The following RASA3 variants were observed in gnomAD, a reference collection of about 807,000 sequenced individuals.
RASA3 encodes the protein ras GTPase-activating protein 3.
A neutral mutation model predicts 110.0 loss-of-function variants in RASA3; 73 were observed. The observed-to-expected ratio is 0.66, with a 90% CI of 0.55 to 0.81. RASA3 has a LOEUF of 0.81. RASA3 is among the 30% of genes least tolerant of loss of function. The pLI is 0.00. For synonymous variants in RASA3, 500 were observed against 451.4 expected, an observed-to-expected ratio of 1.11 and a Z score of -1.37; for missense variants, 976 against 1,113.2, an observed-to-expected ratio of 0.88 and a Z score of 1.75.
chr13:114,018,367 G>A (rs1331883123), intron 10 of RASA3, 115 bp from the exon 11 acceptor site: 4 of 1,314,276 alleles, frequency 3.0e-6, no homozygotes, highest in African/African-American at 3.0e-5. Context: ...TCTTTGCTGA[G>A]ACAGAAACAC....
Position 114,065,237 on chromosome 13 carries a change from G to A in RASA3, c.173+8483C>T, listed in dbSNP as rs2079426152. Among the ~76,000 whole-genome samples the A allele has an allele frequency of 6.6e-6, 1 of 152,192 alleles. No homozygotes were observed. Among genetic ancestry groups the A allele is most frequent in the South Asian group, 2.1e-4 (1 of 4,828 alleles). On this transcript the variant is annotated intron_variant, in intron 2 of 23. Coordinates refer to ENST00000334062, the MANE Select transcript of RASA3 (RefSeq NM_007368.4). The surrounding 1 kb of genome is among the most constrained non-coding windows in gnomAD (Gnocchi z 4.1). ...ACTTCCCAGCATCTGCGCAAGGCTG[G>A]CGCTGCCCCATCCCGCCTGCGGCTG... is the stretch of plus-strand genomic sequence containing the variant.
chr13:114,040,830 G>C (rs2054388498), intron 4 of RASA3, among the ~76,000 whole-genome samples, 170 bp downstream of exon 4: 1 of 152,202 alleles, frequency 6.6e-6, no homozygotes, highest in Non-Finnish European at 1.5e-5. Flanking sequence ...CCATGGCGGA[G>C]CCCGCGCTCA....
rs948555632 is a variant in RASA3, at chr13:114,112,102, C to CG, written c.55+20332_55+20333insC. ...CTGGAAACAGCAGCCCCCAGGCACC[C>CG]CCCCCAGCAACTGGGACAAGGGCAC... On this transcript the variant is annotated intron_variant, in intron 1 of 23. Coordinates refer to ENST00000334062, the MANE Select transcript of RASA3 (RefSeq NM_007368.4). This position sits in a 1 kb window ranked among gnomAD's most constrained non-coding sequence, Gnocchi z 4.8. 6.6e-6 allele frequency among the ~76,000 whole-genome samples: 1 copy of CG among 151,700 alleles called. No homozygotes were observed. Among genetic ancestry groups the CG allele is most frequent in the Non-Finnish European group, 1.5e-5 (1 of 67,922 alleles).
chr13:113,991,472 A>G (rs2053111853), intron 22 of RASA3, among the ~76,000 whole-genome samples: 1 of 152,228 alleles, frequency 6.6e-6, no homozygotes, highest in Non-Finnish European at 1.5e-5. Flanking sequence ...ATGATCTCCA[A>G]GAGCAGATCC....
At chr13:113,981,945 C>A in intron 22 of RASA3, 87 bp from the exon 23 acceptor site, 1 of 1,276,434 alleles carries the variant, frequency 7.8e-7, no homozygotes, top group Non-Finnish European at 1.1e-6. Context: ...AGGCCCCACC[C>A]ACAGTACACA....
intron 18 of RASA3, among the ~76,000 whole-genome samples, chr13:114,005,654 G>A (rs1195728854): frequency 6.6e-6 from 1 of 152,184 alleles, no homozygotes; most frequent in Non-Finnish European, 1.5e-5. Flanking sequence ...AAGGCTGCTG[G>A]CCAGCAAGGG....
At chr13:114,081,833 C>T (rs2079792890) in intron 1 of RASA3, among the ~76,000 whole-genome samples, 1 of 152,186 alleles carries the variant, frequency 6.6e-6, no homozygotes, top group East Asian at 1.9e-4. Flanking sequence ...ACCGGTGCTG[C>T]ACAGGAACCC....
At chr13:114,027,213 C>T (rs759266543) in intron 7 of RASA3, among the ~76,000 whole-genome samples, 176 bp downstream of exon 7, 1 of 150,564 alleles carries the variant, frequency 6.6e-6, no homozygotes, top group Non-Finnish European at 1.5e-5. Context: ...AACCCAGGGC[C>T]GGCCGGCGGG....
intron 2 of RASA3, among the ~76,000 whole-genome samples, chr13:114,062,241 A>G (rs1303310305): frequency 2.0e-5 from 3 of 152,084 alleles, no homozygotes; most frequent in Admixed American, 6.5e-5. Context: ...AAAAAAACAC[A>G]TGCATAGGAA....
At chr13:114,002,903 C>T (rs1040367729) in intron 18 of RASA3, among the ~76,000 whole-genome samples, 1 of 152,244 alleles carries the variant, frequency 6.6e-6, no homozygotes, top group Non-Finnish European at 1.5e-5. Flanking sequence ...ACTCAGCAAA[C>T]ACACGCTGCG....
At chr13:114,110,056 A>G (rs1489443379) in intron 1 of RASA3, among the ~76,000 whole-genome samples, 3 of 152,254 alleles carry the variant, frequency 2.0e-5, no homozygotes, top group Non-Finnish European at 2.9e-5. Flanking sequence ...CCCTCTCCCC[A>G]TCACAGAAAC....
intron 18 of RASA3, among the ~76,000 whole-genome samples, chr13:114,005,703 C>T (rs1171072845): frequency 1.3e-5 from 2 of 152,134 alleles, no homozygotes; most frequent in Non-Finnish European, 2.9e-5. Flanking sequence ...CTGGAATGTG[C>T]TGGGTGCTCT....
At chr13:114,042,809 C>T (rs1244602652) in intron 3 of RASA3, among the ~76,000 whole-genome samples, 1 of 152,246 alleles carries the variant, frequency 6.6e-6, no homozygotes, top group Non-Finnish European at 1.5e-5. Flanking sequence ...TCAGTAAATT[C>T]GGGAACACTC....
In RASA3 at chr13:114,000,946, A is replaced by C; in HGVS notation, c.1743-14T>G. On this transcript the variant is annotated splice_polypyrimidine_tract_variant and intron_variant, in intron 18 of 23. Coordinates refer to ENST00000334062, the MANE Select transcript of RASA3 (RefSeq NM_007368.4). ...TTGATCATGAACCTGTGTGAAGAGC[A>C]CACAGGGCCGGGGTCCGGGCCTCAG... is the stretch of plus-strand genomic sequence containing the variant. 5.7e-6 allele frequency: 9 copies of C among 1,588,478 alleles called. No individual in the cohort carries two copies. The highest frequency in any genetic ancestry group is 6.9e-6 in the Non-Finnish European group (8 of 1,156,950).
chr13:114,041,956 C>T (rs1458264504), intron 3 of RASA3, among the ~76,000 whole-genome samples: 2 of 152,166 alleles, frequency 1.3e-5, no homozygotes, highest in South Asian at 2.1e-4. Flanking sequence ...TGTGTGGGCC[C>T]CAAAGTCTGG....
chr13:114,105,867 A>T (rs1481300675), intron 1 of RASA3, among the ~76,000 whole-genome samples: 1 of 152,200 alleles, frequency 6.6e-6, no homozygotes, highest in Non-Finnish European at 1.5e-5. Context: ...TGAAACTATT[A>T]CGGTAAGCTA....
chr13:114,098,389 C>T (rs1342419544), intron 1 of RASA3, among the ~76,000 whole-genome samples: 1 of 152,198 alleles, frequency 6.6e-6, no homozygotes, highest in Non-Finnish European at 1.5e-5. Flanking sequence ...AGGCCTCACA[C>T]CAGCGACATC....
chr13:114,064,493 C>T (rs12429774), intron 2 of RASA3, among the ~76,000 whole-genome samples: 2,467 of 152,308 alleles, frequency 0.016, 137 homozygotes, highest in Admixed American at 0.1. Flanking sequence ...GACAGCCCCC[C>T]GCTGTCCGTG....
chr13:114,057,956 T>TGAGGCCCTGGGAGGTCG lies in RASA3; in HGVS notation c.174-5818_174-5802dup, dbSNP rs1248894289. Among the ~76,000 whole-genome samples, 2 of 152,150 alleles carry TGAGGCCCTGGGAGGTCG rather than the reference T, an allele frequency of 1.3e-5. No individual in the cohort carries two copies. The highest frequency in any genetic ancestry group is 2.9e-5 in the Non-Finnish European group (2 of 68,012). ...TGTGCTGAAGAGGGCAGGGCCTGGC[T>TGAGGCCCTGGGAGGTCG]GAGGCCCTGGGAGGTCGGAGTCCCG... On this transcript the variant is annotated intron_variant, in intron 2 of 23. Transcript: ENST00000334062. This position sits in a 1 kb window ranked among gnomAD's most constrained non-coding sequence, Gnocchi z 5.0.
Sources: allele counts gnomAD v4.1 joint callset (sites outside exome capture counted in the v4.1 genomes callset), GRCh38; gene constraint gnomAD v4.1.1; non-coding constraint Gnocchi (gnomAD v3.1); transcripts MANE v1.5; gene names NCBI Gene and HGNC (gene_info 2026-07-23, HGNC 2026-07-21).